The following MCCC1 variants were observed in gnomAD, a reference collection of about 807,000 sequenced individuals.
MCCC1 encodes the protein methylcrotonyl-CoA carboxylase subunit 1.
MCCC1 carries 64 observed loss-of-function variants against 83.8 expected under a neutral mutation model. That is an observed-to-expected ratio of 0.76 (90% CI 0.62 to 0.94). MCCC1 has a LOEUF of 0.94. Ranked by LOEUF, MCCC1 falls within the 40% of genes least tolerant of loss-of-function variation. The pLI, the probability that MCCC1 is intolerant of heterozygous loss-of-function variation, is 0.00. For missense variants in MCCC1, 807 were observed against 904.7 expected, an observed-to-expected ratio of 0.89 and a Z score of 1.39; for synonymous variants, 322 against 315.4, an observed-to-expected ratio of 1.02 and a Z score of -0.22.
chr3:183,016,002 C>G (rs1391559310), intron 18 of MCCC1, among the ~76,000 whole-genome samples: 5 of 151,318 alleles, frequency 3.3e-5, no homozygotes, highest in Admixed American at 1.3e-4. Flanking sequence ...GGTCTCAGCT[C>G]ACTGTAACCT....
At chr3:183,074,313 A>G (rs76172594) in intron 4 of MCCC1, among the ~76,000 whole-genome samples, 4,118 of 152,284 alleles carry the variant, frequency 0.027, 199 homozygotes, top group African/African-American at 0.095. Context: ...TAACTGAAGG[A>G]CAGCAAGATT....
At chr3:183,108,571 C>T (rs754740538) in intron 1 of MCCC1, among the ~76,000 whole-genome samples, 3 of 152,136 alleles carry the variant, frequency 2.0e-5, no homozygotes, top group South Asian at 2.1e-4. Flanking sequence ...TTCTGCACTT[C>T]GCAAAGTTCT....
chr3:183,093,011 A>G (rs1478991431), intron 2 of MCCC1, among the ~76,000 whole-genome samples: 2 of 152,094 alleles, frequency 1.3e-5, no homozygotes, highest in African/African-American at 4.8e-5. Context: ...CTACTGCTTC[A>G]GCCTCCTGAG....
chr3:183,061,381 G>T (rs1026008085), intron 7 of MCCC1, among the ~76,000 whole-genome samples: 1 of 152,176 alleles, frequency 6.6e-6, no homozygotes, highest in African/African-American at 2.4e-5. Context: ...TTCTGTTAGG[G>T]AGAATAGAAT....
intron 1 of MCCC1, among the ~76,000 whole-genome samples, chr3:183,098,141 G>A (rs13059375): frequency 0.49 from 74,466 of 152,016 alleles, 21,568 homozygotes; most frequent in Non-Finnish European, 0.65. Context: ...GTGTTATCCA[G>A]GTTGGTCTCG....
intron 1 of MCCC1, among the ~76,000 whole-genome samples, chr3:183,112,604 C>A (rs549282058): frequency 5.9e-5 from 9 of 152,282 alleles, no homozygotes; most frequent in African/African-American, 2.2e-4. Flanking sequence ...TATCAACTCA[C>A]GATTAACCTT....
intron 3 of MCCC1, chr3:183,090,883 C>T (rs1199912363): frequency 2.4e-6 from 1 of 424,820 alleles, no homozygotes; most frequent in African/African-American, 2.0e-5. Context: ...CCACTGCGCC[C>T]AGCCGGGAAA....
chr3:183,103,844 G>C (rs912894643), upstream of MCCC1, among the ~76,000 whole-genome samples: 8 of 152,174 alleles, frequency 5.3e-5, no homozygotes, highest in Non-Finnish European at 7.4e-5. Flanking sequence ...CCCACGGAGC[G>C]GGGGGAGGCT....
At chr3:183,034,434 G>A (rs1360551912) in intron 13 of MCCC1, among the ~76,000 whole-genome samples, 11 of 121,268 alleles carry the variant, frequency 9.1e-5, no homozygotes, top group South Asian at 2.8e-4. Flanking sequence ...CAGCCTGGGC[G>A]ACAGAGCAAG....
At chr3:183,100,849 C>A (rs906425992), upstream of MCCC1, among the ~76,000 whole-genome samples, 3 of 152,236 alleles carry the variant, frequency 2.0e-5, no homozygotes, top group Non-Finnish European at 1.5e-5. Context: ...CCTTTCTGGG[C>A]TGGCCAAGGC....
At chr3:183,070,647 C>T (rs1191261642) in intron 7 of MCCC1, among the ~76,000 whole-genome samples, 1 of 151,946 alleles carries the variant, frequency 6.6e-6, no homozygotes, top group Non-Finnish European at 1.5e-5. Flanking sequence ...GCAGGACAAT[C>T]GCTTGAACTC....
chr3:183,112,336 C>A (rs1719508773), intron 1 of MCCC1, among the ~76,000 whole-genome samples: 1 of 152,164 alleles, frequency 6.6e-6, no homozygotes, highest in Non-Finnish European at 1.5e-5. Context: ...AACTCAATAG[C>A]TCAATGTTAT....
intron 7 of MCCC1, among the ~76,000 whole-genome samples, chr3:183,068,436 C>T (rs1195285819): frequency 1.3e-5 from 2 of 152,136 alleles, no homozygotes; most frequent in Admixed American, 6.5e-5. Flanking sequence ...CAGGAAGTTA[C>T]CCTATATGGT....
At chr3:183,082,532 T>C (rs983850282) in intron 4 of MCCC1, among the ~76,000 whole-genome samples, 2 of 152,202 alleles carry the variant, frequency 1.3e-5, no homozygotes, top group African/African-American at 4.8e-5. Context: ...ATCACAAGCA[T>C]TCCAGAGACT....
chr3:183,076,510 A>G (rs1263184690), intron 4 of MCCC1, among the ~76,000 whole-genome samples: 1 of 152,170 alleles, frequency 6.6e-6, no homozygotes, highest in Non-Finnish European at 1.5e-5. Flanking sequence ...CATATTTTTC[A>G]TTTCTCTTGG....
At chr3:183,096,953 C>G (rs1395015056) in intron 1 of MCCC1, among the ~76,000 whole-genome samples, 2 of 152,140 alleles carry the variant, frequency 1.3e-5, no homozygotes, top group Non-Finnish European at 2.9e-5. Flanking sequence ...AAGACTGATT[C>G]GGTTTCAAGG....
intron 4 of MCCC1, 39 bp downstream of exon 4, chr3:183,086,654 G>A (rs772480308): frequency 3.7e-5 from 58 of 1,574,934 alleles, no homozygotes; most frequent in Admixed American, 8.4e-5. Flanking sequence ...TGCACAAAAC[G>A]TATTCCTTTT....
intron 5 of MCCC1, 99 bp downstream of exon 5, chr3:183,072,267 C>A: frequency 1.6e-5 from 23 of 1,404,962 alleles, no homozygotes; most frequent in East Asian, 2.4e-5. Context: ...CTGCCTCAGT[C>A]TCCCAAAACA....
chr3:183,017,115 G>A lies in MCCC1; in HGVS notation c.2049+151C>T, dbSNP rs143890181. On this transcript the variant is annotated intron_variant, in intron 18 of 18. Transcript: ENST00000265594. Reference sequence around the variant, plus strand: ...AAGTAAAACTCTTTTCTACAAGAAGGATAGTTTGGTTTTGTTTCCTACAAT... The same window carrying A: ...AAGTAAAACTCTTTTCTACAAGAAGAATAGTTTGGTTTTGTTTCCTACAAT... 262 of 716,996 alleles carry A rather than the reference G, an allele frequency of 3.7e-4. No individual in the cohort carries two copies. In the African/African-American group the frequency reaches 4.0e-3, roughly 11 times the overall value. The allele number at this position is 716,996 out of a possible 1,614,324, so 44.4% of individuals were successfully genotyped here.
Sources: allele counts gnomAD v4.1 joint callset (sites outside exome capture counted in the v4.1 genomes callset), GRCh38; gene constraint gnomAD v4.1.1; transcripts MANE v1.5; gene names NCBI Gene and HGNC (gene_info 2026-07-23, HGNC 2026-07-21).